Variants in TBXAS1 observed in about 807,000 individuals in gnomAD.
TBXAS1 encodes thromboxane-A synthase.
In TBXAS1, 48 loss-of-function variants were observed where a neutral mutation model predicts 60.7. The observed-to-expected ratio is 0.79, with a 90% CI of 0.63 to 1.01. TBXAS1 has a LOEUF of 1.01. TBXAS1 is among the 50% of genes least tolerant of loss of function. The probability of loss-of-function intolerance (pLI) is 0.00; values close to 1 mark genes in which losing one functional copy is unlikely to be tolerated. For synonymous variants in TBXAS1, 287 were observed against 269.7 expected, an observed-to-expected ratio of 1.06 and a Z score of -0.63; for missense variants, 685 against 686.3, an observed-to-expected ratio of 1.00 and a Z score of 0.02.
chr7:140,016,323 G>C, intron 11 of TBXAS1: 1 of 219,856 alleles, frequency 4.5e-6, no homozygotes, highest in Non-Finnish European at 8.8e-6. Context: ...GCAAGACTCT[G>C]TCTAAAAAAA....
intron 9 of TBXAS1, among the ~76,000 whole-genome samples, chr7:139,991,086 G>A (rs910014710): frequency 5.3e-5 from 8 of 152,330 alleles, no homozygotes; most frequent in South Asian, 2.1e-4. Context: ...CTGGAACGAC[G>A]CAGAAGCAGA....
At chr7:139,800,108 A>G (rs1047247019) in intron 4 of TBXAS1, among the ~76,000 whole-genome samples, 1 of 152,118 alleles carries the variant, frequency 6.6e-6, no homozygotes, top group African/African-American at 2.4e-5. Context: ...GTTTAGGGCA[A>G]TGCCACCCTT....
chr7:139,823,430 T>A (rs529992828), intron 4 of TBXAS1, among the ~76,000 whole-genome samples: 85 of 152,118 alleles, frequency 5.6e-4, no homozygotes, highest in African/African-American at 2.0e-3. Context: ...CTCTCAGAAA[T>A]GGAACAGAGT....
intron 9 of TBXAS1, among the ~76,000 whole-genome samples, chr7:139,986,853 T>G (rs1812531633): frequency 6.7e-6 from 1 of 148,818 alleles, no homozygotes; most frequent in Non-Finnish European, 1.5e-5. Context: ...TGATGGGCAT[T>G]TGGGCTGGTT....
chr7:139,835,357 C>T (rs894202379), intron 1 of TBXAS1, among the ~76,000 whole-genome samples: 9 of 152,144 alleles, frequency 5.9e-5, no homozygotes, highest in Non-Finnish European at 7.4e-5. Context: ...CGTGAGCCAA[C>T]ACGCCTGGCC....
upstream of TBXAS1, among the ~76,000 whole-genome samples, chr7:139,828,877 C>CT (rs1249980151): frequency 6.6e-6 from 1 of 152,148 alleles, no homozygotes; most frequent in African/African-American, 2.4e-5. Context: ...AGGCTGGCGT[C>CT]TGGTCCTGTA....
At chr7:139,895,336 C>T (rs907409500) in intron 3 of TBXAS1, among the ~76,000 whole-genome samples, 11 of 152,194 alleles carry the variant, frequency 7.2e-5, no homozygotes, top group Non-Finnish European at 1.5e-5. Context: ...CCTTTTGTTA[C>T]CCTTGCTAAT....
intron 4 of TBXAS1, among the ~76,000 whole-genome samples, chr7:139,914,871 T>A (rs546218125): frequency 2.6e-5 from 4 of 152,310 alleles, no homozygotes; most frequent in African/African-American, 9.6e-5. Context: ...TTAAACCCCA[T>A]GACATAAACA....
chr7:139,849,177 G>A lies in TBXAS1; in HGVS notation c.89+19698G>A, dbSNP rs190696642. ...GGATCACTTGAGCACAGGAATTCTC[G>A]AGACCAGCCTGGGCAATATAGGAAG... On this transcript the variant is annotated intron_variant, in intron 1 of 12. Transcript: ENST00000448866. 1.7e-3 allele frequency among the ~76,000 whole-genome samples: 253 copies of A among 152,020 alleles called. 1 individual carries two copies. Among genetic ancestry groups the A allele is most frequent in the Non-Finnish European group, 2.4e-3 (161 of 67,950 alleles).
At chr7:139,784,127 TCCTGCCTGCCTG>T (rs58521433) in intron 3 of TBXAS1, among the ~76,000 whole-genome samples, 3 of 149,918 alleles carry the variant, frequency 2.0e-5, no homozygotes, top group African/African-American at 7.5e-5. Flanking sequence ...CTTCCTGCCT[TCCTGCCTGCCTG>T]CCTGCCTGCC....
At chr7:139,833,445 C>T (rs1798840229) in intron 1 of TBXAS1, among the ~76,000 whole-genome samples, 1 of 139,824 alleles carries the variant, frequency 7.2e-6, no homozygotes, top group Non-Finnish European at 1.5e-5. Context: ...CACTTTGGAT[C>T]ACAAGGTCAG....
At chr7:139,957,596 C>T (rs763059218) in intron 7 of TBXAS1, 38 bp from the exon 8 acceptor site, 2 of 1,613,652 alleles carry the variant, frequency 1.2e-6, no homozygotes, top group Admixed American at 1.7e-5. Context: ...TTTATTATCA[C>T]CCCCTTTTCA....
intron 4 of TBXAS1, among the ~76,000 whole-genome samples, chr7:139,808,095 G>A (rs1371446048): frequency 6.6e-6 from 1 of 152,018 alleles, no homozygotes; most frequent in Non-Finnish European, 1.5e-5. Flanking sequence ...ATTTTGGGAG[G>A]CTGAGGCAGG....
chr7:139,876,261 T>G (rs1802228895), intron 3 of TBXAS1, among the ~76,000 whole-genome samples: 1 of 152,214 alleles, frequency 6.6e-6, no homozygotes, highest in Admixed American at 6.5e-5. Flanking sequence ...ATTTTCTGAA[T>G]TTCTCCTTTG....
At chr7:139,960,059 C>T (rs1363003327) in intron 8 of TBXAS1, among the ~76,000 whole-genome samples, 6 of 152,210 alleles carry the variant, frequency 3.9e-5, no homozygotes, top group African/African-American at 1.2e-4. Context: ...TGGAATGAAG[C>T]CACCAACTAC....
intron 3 of TBXAS1, among the ~76,000 whole-genome samples, chr7:139,909,560 C>A (rs1364557410): frequency 6.6e-6 from 1 of 152,112 alleles, no homozygotes; most frequent in Non-Finnish European, 1.5e-5. Flanking sequence ...CAAAGATTTT[C>A]CTGACAATTT....
chr7:139,841,633 T>C (rs985550447), intron 1 of TBXAS1, among the ~76,000 whole-genome samples: 4 of 20,216 alleles, frequency 2.0e-4, no homozygotes, highest in Non-Finnish European at 2.7e-4. Context: ...AGAATATTAT[T>C]TTTTTTGTTT....
chr7:140,012,472 T>C (rs111375605), intron 10 of TBXAS1, among the ~76,000 whole-genome samples: 1 of 151,790 alleles, frequency 6.6e-6, no homozygotes, highest in South Asian at 2.1e-4. Context: ...CTTTTTTTTT[T>C]TTTTTTTTGA....
At chr7:139,880,720 G>T (rs904921536) in intron 3 of TBXAS1, among the ~76,000 whole-genome samples, 11 of 152,142 alleles carry the variant, frequency 7.2e-5, no homozygotes, top group Non-Finnish European at 1.2e-4. Context: ...TTTAAAACAA[G>T]TTCTCAATTG....
Sources: allele counts gnomAD v4.1 joint callset (sites outside exome capture counted in the v4.1 genomes callset), GRCh38; gene constraint gnomAD v4.1.1; transcripts MANE v1.5; gene names NCBI Gene and HGNC (gene_info 2026-07-23, HGNC 2026-07-21).